Variants in AK5 observed in about 807,000 individuals in gnomAD.
The protein encoded by AK5 is adenylate kinase isoenzyme 5.
A neutral mutation model predicts 69.5 loss-of-function variants in AK5; 27 were observed. The observed-to-expected ratio is 0.39, with a 90% confidence interval of 0.29 to 0.54. The LOEUF (loss-of-function observed/expected upper bound fraction) is 0.54. Among genes scored for constraint, AK5 ranks in the 20% least tolerant of loss-of-function variants. The pLI, the probability that AK5 is intolerant of heterozygous loss-of-function variation, is 0.71. For synonymous variants in AK5, 260 were observed against 244.4 expected, an observed-to-expected ratio of 1.06 and a Z score of -0.60; for missense variants, 531 against 700.4, an observed-to-expected ratio of 0.76 and a Z score of 2.73.
intron 10 of AK5, among the ~76,000 whole-genome samples, chr1:77,509,759 G>C (rs1205962938): frequency 6.6e-6 from 1 of 152,196 alleles, no homozygotes; most frequent in East Asian, 1.9e-4. Flanking sequence ...AACAGTACCA[G>C]GATATAAAAC....
intron 5 of AK5, among the ~76,000 whole-genome samples, chr1:77,325,620 C>T (rs1194780055): frequency 6.6e-6 from 1 of 152,118 alleles, no homozygotes; most frequent in Non-Finnish European, 1.5e-5. Context: ...CTGTGCTGGT[C>T]TCCATTTTGG....
intron 8 of AK5, among the ~76,000 whole-genome samples, chr1:77,479,870 C>A (rs1655153809): frequency 6.6e-6 from 1 of 152,148 alleles, no homozygotes; most frequent in East Asian, 1.9e-4. Context: ...AGAGTGGTGG[C>A]TAATGGGTTG....
chr1:77,539,980 AG>A (rs533227097), intron 13 of AK5, among the ~76,000 whole-genome samples: 1 of 152,100 alleles, frequency 6.6e-6, no homozygotes, highest in African/African-American at 2.4e-5. Flanking sequence ...TTAAAGCCAC[AG>A]GGGGGGCCAA....
At chr1:77,367,701 T>TTA (rs1363181716) in intron 6 of AK5, among the ~76,000 whole-genome samples, 1 of 84,922 alleles carries the variant, frequency 1.2e-5, no homozygotes, top group Non-Finnish European at 2.3e-5. Context: ...ACGTTATATG[T>TTA]TATATATATG....
chr1:77,325,733 G>A (rs887671650), intron 5 of AK5, among the ~76,000 whole-genome samples: 1 of 151,254 alleles, frequency 6.6e-6, no homozygotes, highest in Admixed American at 6.6e-5. Flanking sequence ...TTGTGGGGAG[G>A]GACTATATCT....
chr1:77,475,179 ATATATATATATATATATGTG>A (rs1460626840), intron 8 of AK5, among the ~76,000 whole-genome samples: 468 of 7,010 alleles, frequency 0.067, 4 homozygotes, highest in African/African-American at 0.078. Flanking sequence ...ATATATATAT[ATATATATATATATATATGTG>A]TGTGTGTGTG....
At chr1:77,502,859 A>G (rs1231794454) in intron 10 of AK5, among the ~76,000 whole-genome samples, 1 of 152,158 alleles carries the variant, frequency 6.6e-6, no homozygotes, top group Non-Finnish European at 1.5e-5. Flanking sequence ...TCCCTCTTGG[A>G]CTACTCACCA....
intron 5 of AK5, among the ~76,000 whole-genome samples, chr1:77,332,778 A>G (rs1000529245): frequency 2.6e-5 from 4 of 151,766 alleles, no homozygotes; most frequent in Non-Finnish European, 5.9e-5. Flanking sequence ...TAAAGACTTT[A>G]TCCTCAACTG....
At chr1:77,532,244 A>G (rs571550919) in intron 12 of AK5, 1 of 155,630 alleles carries the variant, frequency 6.4e-6, no homozygotes, top group Non-Finnish European at 1.4e-5. Context: ...AGGCGCTGAC[A>G]TCGAGCGGGG....
In AK5 at chr1:77,472,379, G is replaced by A. The variant is rs78849203; in HGVS notation, c.1060-10938G>A. ...CCACTTGTAAAACCAGAATGGGAGA[G>A]TGAGGCTGATTCTCCCATGTGTGTC... On this transcript the variant is annotated intron_variant, in intron 8 of 13. Coordinates refer to ENST00000354567, the MANE Select transcript of AK5 (RefSeq NM_174858.3). Among the ~76,000 whole-genome samples, 501 of 152,256 alleles carry A rather than the reference G, an allele frequency of 3.3e-3. 6 individuals are homozygous for A. The highest frequency in any genetic ancestry group is 0.012 in the African/African-American group (482 of 41,554).
intron 8 of AK5, among the ~76,000 whole-genome samples, chr1:77,478,802 G>T (rs553614316): frequency 6.6e-6 from 1 of 152,284 alleles, no homozygotes; most frequent in Admixed American, 6.5e-5. Context: ...AAATGGAAAT[G>T]ACTAGACATG....
At position 77,340,562 on chromosome 1, in the gene AK5, C is replaced by A; in HGVS notation, c.885C>A (p.Ile295=). Residue 295 remains isoleucine, a synonymous_variant, in exon 6 of 14, where the codon ATC becomes ATA. Transcript: ENST00000354567. ...AATACTTCCAGGAAAAGGGGCTCAT[C>A]ATGACAGTAAGTTAGCTCGACTTTT... ...LVKYFQEKGL[I]MTFDADRDED... 1.9e-6 allele frequency: 3 copies of A among 1,613,622 alleles called. No individual in the cohort carries two copies. Among genetic ancestry groups the A allele is most frequent in the Non-Finnish European group, 2.5e-6 (3 of 1,179,746 alleles).
At position 77,536,052 on chromosome 1, in the gene AK5, C is replaced by T. The variant is rs772060688; in HGVS notation, c.1620+14C>T. 3 of 1,596,134 alleles carry T rather than the reference C, an allele frequency of 1.9e-6. No individual in the cohort carries two copies. Among genetic ancestry groups the T allele is most frequent in the East Asian group, 4.5e-5 (2 of 44,750 alleles). On this transcript the variant is annotated intron_variant, in intron 13 of 13. Coordinates refer to ENST00000354567, the MANE Select transcript of AK5 (RefSeq NM_174858.3). Reference sequence around the variant, plus strand: ...CAGCTACACAAGGCGAGTCACTTCACTTTCTCCTCTGAAATGAGCCGCTTA... The same window carrying T: ...CAGCTACACAAGGCGAGTCACTTCATTTTCTCCTCTGAAATGAGCCGCTTA...
At chr1:77,518,427 C>A in intron 10 of AK5, 137 bp from the exon 11 acceptor site, 1 of 862,088 alleles carries the variant, frequency 1.2e-6, no homozygotes, top group Non-Finnish European at 1.8e-6. Context: ...CTCAGCACAG[C>A]TCCTGGTATA....
intron 12 of AK5, 51 bp from the exon 13 acceptor site, chr1:77,535,796 C>A (rs1658924611): frequency 6.5e-7 from 1 of 1,546,478 alleles, no homozygotes; most frequent in East Asian, 2.3e-5. Context: ...CTTTCCAGAA[C>A]ATCAGCAGGG....
At chr1:77,543,596 A>G (rs1013740668) in intron 13 of AK5, among the ~76,000 whole-genome samples, 1 of 151,928 alleles carries the variant, frequency 6.6e-6, no homozygotes, top group Non-Finnish European at 1.5e-5. Context: ...CAGTGGTGCA[A>G]TTACGGCTCA....
intron 9 of AK5, among the ~76,000 whole-genome samples, chr1:77,485,645 A>T (rs2088518): frequency 0.14 from 21,046 of 152,254 alleles, 1,962 homozygotes; most frequent in Non-Finnish European, 0.18. Flanking sequence ...TATATAAAGG[A>T]AGCTTAGCAA....
chr1:77,421,350 A>T (rs1650798602), intron 8 of AK5, among the ~76,000 whole-genome samples: 2 of 152,188 alleles, frequency 1.3e-5, no homozygotes, highest in South Asian at 4.1e-4. Flanking sequence ...TAAAGCCAGG[A>T]TTCAAAAGGT....
chr1:77,558,580 CT>C (rs771306755), intron 13 of AK5, 21 bp from the exon 14 acceptor site: 10 of 1,438,734 alleles, frequency 7.0e-6, no homozygotes, highest in Middle Eastern at 2.0e-4. Context: ...GACTAACTCT[CT>C]TTTTTTCCTT....
Sources: allele counts gnomAD v4.1 joint callset (sites outside exome capture counted in the v4.1 genomes callset), GRCh38; gene constraint gnomAD v4.1.1; transcripts MANE v1.5; gene names NCBI Gene and HGNC (gene_info 2026-07-23, HGNC 2026-07-21).